Variants in FAM13A observed in about 807,000 individuals in gnomAD.
The protein encoded by FAM13A is protein FAM13A.
FAM13A carries 76 observed loss-of-function variants against 129.6 expected under a neutral mutation model. The observed-to-expected ratio is 0.59, with a 90% confidence interval of 0.49 to 0.71. FAM13A has a LOEUF of 0.71. Ranked by LOEUF, FAM13A falls within the 30% of genes least tolerant of loss-of-function variation. FAM13A has a pLI of 0.00. For missense variants in FAM13A, 1,108 were observed against 1,249.3 expected (o/e 0.89, Z 1.70); for synonymous variants, 443 against 449.9 (o/e 0.98, Z 0.20).
At chr4:88,837,039 G>A (rs2149909315) in intron 7 of FAM13A, among the ~76,000 whole-genome samples, 1 of 152,030 alleles carries the variant, frequency 6.6e-6, no homozygotes, top group Middle Eastern at 3.4e-3. Flanking sequence ...TTGTTGCCCA[G>A]GCTGGAGTGC....
chr4:89,056,412 G>A (rs1772201673), intron 1 of FAM13A, among the ~76,000 whole-genome samples: 1 of 152,216 alleles, frequency 6.6e-6, no homozygotes, highest in Admixed American at 6.6e-5. Flanking sequence ...CATTTCTACA[G>A]TTTAAGGATA....
Position 89,036,915 on chromosome 4 carries a change from A to G in FAM13A, c.28-7266T>C, listed in dbSNP as rs1769460880. Among the ~76,000 whole-genome samples the G allele has an allele frequency of 3.9e-5, 6 of 152,216 alleles. No homozygotes were observed. In the South Asian group the frequency reaches 1.2e-3, roughly 31 times the overall value. On this transcript the variant is annotated intron_variant, in intron 1 of 23. Transcript: ENST00000264344. ...ATGGGTGCACAGAGGGCAAAAGTTG[A>G]GGCTTAGGAACCTCCACCTAGATTT...
chr4:88,945,982 G>GTATATATATA, intron 4 of FAM13A, among the ~76,000 whole-genome samples: 1 of 24,826 alleles, frequency 4.0e-5, no homozygotes, highest in Admixed American at 5.7e-4. Context: ...GTGTGTGTGT[G>GTATATATATA]TGTGTGTGTA....
intron 7 of FAM13A, among the ~76,000 whole-genome samples, chr4:88,826,312 T>A (rs1732973685): frequency 7.2e-6 from 1 of 138,930 alleles, no homozygotes. Flanking sequence ...CACGTAGGAT[T>A]AAAAAAAAAA....
chr4:88,808,735 C>A (rs115932513), intron 7 of FAM13A, among the ~76,000 whole-genome samples: 1,973 of 151,932 alleles, frequency 0.013, 43 homozygotes, highest in African/African-American at 0.046. Flanking sequence ...TTTGCTGACT[C>A]TCAATAATGA....
At chr4:88,783,967 G>A (rs988415332) in intron 10 of FAM13A, among the ~76,000 whole-genome samples, 1 of 152,080 alleles carries the variant, frequency 6.6e-6, no homozygotes, top group Non-Finnish European at 1.5e-5. Context: ...AAGCCACCCA[G>A]TCGGTGGTAT....
At chr4:89,012,967 C>A (rs1180179501) in intron 3 of FAM13A, among the ~76,000 whole-genome samples, 1 of 151,784 alleles carries the variant, frequency 6.6e-6, no homozygotes, top group Non-Finnish European at 1.5e-5. Flanking sequence ...GGGTAGTCAC[C>A]CCTGAGGAAA....
chr4:89,034,683 G>A (rs955359248), intron 1 of FAM13A, among the ~76,000 whole-genome samples: 9 of 152,000 alleles, frequency 5.9e-5, no homozygotes, highest in South Asian at 2.1e-4. Context: ...GGAGTTTGAG[G>A]CCAGCCTGGC....
At position 89,028,771 on chromosome 4, in the gene FAM13A, TAA is replaced by T. The variant is rs33910983; in HGVS notation, c.217+687_217+688del. On this transcript the variant is annotated intron_variant, in intron 2 of 23. Coordinates refer to ENST00000264344, the MANE Select transcript of FAM13A (RefSeq NM_014883.4). ...CATGTACCCTAAAACTTAAAGTACA[TAA>T]AAAAAAAAAAAAGATGTAGGGAATA... is the stretch of plus-strand genomic sequence containing the variant. Among the ~76,000 whole-genome samples, 650 of 137,956 alleles carry T rather than the reference TAA, an allele frequency of 4.7e-3. 5 individuals carry two copies. Among genetic ancestry groups the T allele is most frequent in the African/African-American group, 0.015 (592 of 38,430 alleles). 90.5% of individuals were successfully genotyped at this position (137,956 alleles called of 152,430 possible).
intron 3 of FAM13A, among the ~76,000 whole-genome samples, chr4:88,998,674 A>C (rs1763867671): frequency 6.6e-6 from 1 of 152,224 alleles, no homozygotes; most frequent in Non-Finnish European, 1.5e-5. Flanking sequence ...CATAAGAATA[A>C]ACAAAACATG....
intron 1 of FAM13A, among the ~76,000 whole-genome samples, chr4:89,042,112 T>C (rs142671024): frequency 1.3e-4 from 15 of 116,534 alleles, no homozygotes; most frequent in African/African-American, 3.3e-4. Context: ...AAGATGTAAA[T>C]AGACGTTGCT....
In FAM13A at chr4:88,747,683, T is replaced by C; in HGVS notation, c.2330A>G (p.Gln777Arg). 5 of 1,614,210 alleles carry C rather than the reference T, an allele frequency of 3.1e-6. No homozygotes were observed. The highest frequency in any genetic ancestry group is 4.2e-6 in the Non-Finnish European group (5 of 1,180,042). Residue 777 changes from glutamine (Q) to arginine (R), a missense_variant, in exon 18 of 24, where the codon CAG (glutamine) becomes CGG (arginine). Physicochemically the swap from Gln to Arg is conservative, Grantham distance 43. Coordinates refer to ENST00000264344, the MANE Select transcript of FAM13A (RefSeq NM_014883.4). The part of the protein sequence containing the change: ...PSVEATLESI[Q>R]RKLQEKRAES... ...CGCTCGCTTCTCCTGGAGCTTCCTC[T>C]GAATAGATTCCAATGTGGCTTCAAC...
chr4:88,791,383 C>T (rs1578675867), intron 8 of FAM13A, among the ~76,000 whole-genome samples: 1 of 152,066 alleles, frequency 6.6e-6, no homozygotes, highest in African/African-American at 2.4e-5. Flanking sequence ...GGTTAGCATG[C>T]TTCAGAACTT....
chr4:88,787,041 A>C (rs1248913865), intron 10 of FAM13A, among the ~76,000 whole-genome samples: 1 of 152,020 alleles, frequency 6.6e-6, no homozygotes, highest in Non-Finnish European at 1.5e-5. Context: ...ATATATGAAT[A>C]TCTGTATAGT....
chr4:89,052,557 C>T (rs944984502), intron 1 of FAM13A, among the ~76,000 whole-genome samples: 1 of 149,846 alleles, frequency 6.7e-6, no homozygotes, highest in Non-Finnish European at 1.5e-5. Flanking sequence ...AACTTGCACT[C>T]TGGGCCTGGG....
intron 5 of FAM13A, among the ~76,000 whole-genome samples, chr4:88,921,561 T>A (rs563253903): frequency 6.6e-6 from 1 of 151,952 alleles, no homozygotes; most frequent in Non-Finnish European, 1.5e-5. Context: ...GCACTAAACA[T>A]GGAAAGGAAC....
chr4:88,882,366 G>C (rs1329861168), intron 6 of FAM13A, among the ~76,000 whole-genome samples: 2 of 152,088 alleles, frequency 1.3e-5, no homozygotes, highest in Admixed American at 6.5e-5. Flanking sequence ...CAAGAATTTT[G>C]TATCCAGTGA....
chr4:89,016,484 T>C (rs1766506195), intron 3 of FAM13A, among the ~76,000 whole-genome samples: 1 of 152,324 alleles, frequency 6.6e-6, no homozygotes, highest in South Asian at 2.1e-4. Context: ...AGTAATCTCC[T>C]AGGCCTTCAT....
chr4:88,753,493 AG>A (rs1445270443), intron 14 of FAM13A: 2 of 162,404 alleles, frequency 1.2e-5, no homozygotes, highest in Non-Finnish European at 2.6e-5. Flanking sequence ...GCATATAGTT[AG>A]GGTGAATGAA....
Sources: allele counts gnomAD v4.1 joint callset (sites outside exome capture counted in the v4.1 genomes callset), GRCh38; gene constraint gnomAD v4.1.1; transcripts MANE v1.5; gene names NCBI Gene and HGNC (gene_info 2026-07-23, HGNC 2026-07-21).